Variants in TFDP1 observed in about 807,000 individuals in gnomAD.
The protein encoded by TFDP1 is DRTF1-polypeptide 1.
In TFDP1, 6 loss-of-function variants were observed where a neutral mutation model predicts 48.0. That is an observed-to-expected ratio of 0.13 (90% CI 0.07 to 0.25). TFDP1 has a LOEUF of 0.25. Among genes scored for constraint, TFDP1 ranks in the 10% least tolerant of loss-of-function variants. The pLI, the probability that TFDP1 is intolerant of heterozygous loss-of-function variation, is 1.00. For missense variants in TFDP1, 335 were observed against 543.0 expected (o/e 0.62, Z 3.81); for synonymous variants, 201 against 211.6 (o/e 0.95, Z 0.44).
intron 2 of TFDP1, among the ~76,000 whole-genome samples, chr13:113,590,481 G>C (rs1035052078): frequency 1.3e-5 from 2 of 152,212 alleles, no homozygotes; most frequent in Non-Finnish European, 2.9e-5. Context: ...TTCAGTGCTT[G>C]AAGGAGTGAG....
intron 10 of TFDP1, chr13:113,637,205 C>T (rs142765740): frequency 2.7e-5 from 5 of 183,906 alleles, no homozygotes; most frequent in East Asian, 3.1e-4. Flanking sequence ...CCTTGGGGGC[C>T]GTAGGGTCCC....
intron 2 of TFDP1, among the ~76,000 whole-genome samples, chr13:113,596,632 C>T (rs938763428): frequency 1.3e-5 from 2 of 152,200 alleles, no homozygotes; most frequent in Admixed American, 6.5e-5. Context: ...TTCAGGCCAG[C>T]GGTGGAGTCG....
intron 2 of TFDP1, among the ~76,000 whole-genome samples, chr13:113,610,625 A>C (rs2048688012): frequency 6.6e-6 from 1 of 151,888 alleles, no homozygotes; most frequent in Admixed American, 6.6e-5. Context: ...CTGTGCCGTC[A>C]CACGTGTGTC....
At chr13:113,588,891 AGT>A (rs1189219832) in intron 2 of TFDP1, among the ~76,000 whole-genome samples, 4 of 149,716 alleles carry the variant, frequency 2.7e-5, no homozygotes, top group Non-Finnish European at 5.9e-5. Context: ...GTAGGTGGAG[AGT>A]GAGTGGTGAT....
At chr13:113,614,940 G>A (rs1308418207) in intron 3 of TFDP1, among the ~76,000 whole-genome samples, 2 of 152,270 alleles carry the variant, frequency 1.3e-5, no homozygotes, top group Non-Finnish European at 2.9e-5. Flanking sequence ...TTTGCTTAAC[G>A]GCTCCTCTTT....
intron 2 of TFDP1, among the ~76,000 whole-genome samples, chr13:113,602,376 G>A (rs1051422275): frequency 1.3e-5 from 2 of 152,102 alleles, no homozygotes; most frequent in South Asian, 2.1e-4. Context: ...TTCTCCGCAC[G>A]AGTCAAAGGA....
intron 11 of TFDP1, 56 bp from the exon 12 acceptor site, chr13:113,640,061 CGGG>C: frequency 7.8e-7 from 1 of 1,284,122 alleles, no homozygotes; most frequent in South Asian, 1.3e-5. Context: ...AGCCCTGAGG[CGGG>C]GGGAGGCTGG....
intron 2 of TFDP1, among the ~76,000 whole-genome samples, chr13:113,603,009 T>C (rs1265398963): frequency 6.6e-6 from 1 of 151,776 alleles, no homozygotes. Context: ...AAATTTGTGT[T>C]GGGCTGCATG....
At chr13:113,589,291 T>G (rs2048082284) in intron 2 of TFDP1, among the ~76,000 whole-genome samples, 1 of 152,216 alleles carries the variant, frequency 6.6e-6, no homozygotes, top group Non-Finnish European at 1.5e-5. Flanking sequence ...TCAGCTGCCA[T>G]ACGGCCACCT....
intron 3 of TFDP1, among the ~76,000 whole-genome samples, chr13:113,619,481 C>CAAAA (rs1162300447): frequency 2.7e-5 from 3 of 110,494 alleles, no homozygotes; most frequent in African/African-American, 9.8e-5. Flanking sequence ...AAAAAAAAAA[C>CAAAA]AAAAAAAAAA....
Position 113,633,140 on chromosome 13 carries a change from A to T in TFDP1, c.329A>T (p.Glu110Val). Residue 110 changes from glutamate to valine, a missense_variant, in exon 6 of 12, where the codon GAG becomes GTG. Transcript: ENST00000375370. This position sits in a 1 kb window ranked among gnomAD's most constrained non-coding sequence, Gnocchi z 4.5. ...WSAGKRNRKG[E>V]KNGKGLRHFS... ...TGAAGGAAGCGCAACAGGAAAGGAG[A>T]GAAGAATGGCAAGGGCCTACGGCAT... 1 of 1,614,070 alleles carries T rather than the reference A, an allele frequency of 6.2e-7. No homozygotes were observed. The highest frequency in any genetic ancestry group is 1.1e-5 in the South Asian group (1 of 91,076).
Position 113,607,340 on chromosome 13 carries a change from T to TG in TFDP1, c.13-3654dup. Among the ~76,000 whole-genome samples, 1 of 152,226 alleles carries TG rather than the reference T, an allele frequency of 6.6e-6. No individual in the cohort carries two copies. On this transcript the variant is annotated intron_variant, in intron 2 of 11. Coordinates refer to ENST00000375370, the MANE Select transcript of TFDP1 (RefSeq NM_007111.5). The surrounding 1 kb of genome is among the most constrained non-coding windows in gnomAD (Gnocchi z 5.2). ...TGGTGACACCTGGGCATGTGGCTGG[T>TG]GGAACCAGCAGGCCAAGGCTGTGGA...
intron 2 of TFDP1, among the ~76,000 whole-genome samples, chr13:113,595,471 G>A (rs2048264266): frequency 6.6e-6 from 1 of 152,196 alleles, no homozygotes; most frequent in Non-Finnish European, 1.5e-5. Flanking sequence ...ATGTGGATCT[G>A]TCCGAGAGAG....
At chr13:113,630,926 A>C (rs995627201) in intron 4 of TFDP1, among the ~76,000 whole-genome samples, 1 of 152,154 alleles carries the variant, frequency 6.6e-6, no homozygotes, top group Admixed American at 6.5e-5. Context: ...AGAGGGGCCC[A>C]GGTGTGTGAG....
chr13:113,609,438 CT>C (rs371168541), intron 2 of TFDP1, among the ~76,000 whole-genome samples: 1,711 of 149,802 alleles, frequency 0.011, 41 homozygotes, highest in African/African-American at 0.038. Flanking sequence ...TAGTGACTGT[CT>C]TTTTTTTTTA....
intron 3 of TFDP1, among the ~76,000 whole-genome samples, chr13:113,614,315 C>T (rs1467387153): frequency 6.6e-6 from 1 of 152,142 alleles, no homozygotes. Context: ...CAACAGACAC[C>T]TGTCTTCACT....
At chr13:113,615,622 G>T (rs1314609992) in intron 3 of TFDP1, among the ~76,000 whole-genome samples, 1 of 152,196 alleles carries the variant, frequency 6.6e-6, no homozygotes, top group East Asian at 1.9e-4. Flanking sequence ...CACACGTTTA[G>T]GCCAGGTGCA....
At chr13:113,634,924 TGC>T (rs2140624468) in intron 8 of TFDP1, among the ~76,000 whole-genome samples, 1 of 152,128 alleles carries the variant, frequency 6.6e-6, no homozygotes, top group African/African-American at 2.4e-5. Flanking sequence ...TGTGTGTGTG[TGC>T]ATGTGTGCAT....
chr13:113,595,189 C>T lies in TFDP1; in HGVS notation c.12+9340C>T, dbSNP rs948828839. On this transcript the variant is annotated intron_variant, in intron 2 of 11. Coordinates refer to ENST00000375370, the MANE Select transcript of TFDP1 (RefSeq NM_007111.5). ...GATAATTAAAAAAAAGACGCTGTAC[C>T]TAAACACTTCATTTTACATTCAAAC... Among the ~76,000 whole-genome samples the T allele has an allele frequency of 3.3e-5, 5 of 152,164 alleles. No individual in the cohort carries two copies. In the East Asian group the frequency reaches 9.6e-4, roughly 29 times the overall value.
Sources: gnomAD v4.1 joint callset for allele counts (sites outside exome capture counted in the v4.1 genomes callset) on GRCh38, gnomAD v4.1.1 for gene constraint, Gnocchi (gnomAD v3.1) non-coding constraint, MANE v1.5 for transcripts, NCBI Gene and HGNC (gene_info 2026-07-23, HGNC 2026-07-21) for gene names.